Variants in KAT2B observed in about 807,000 individuals in gnomAD.
The protein encoded by KAT2B is histone acetyltransferase KAT2B.
KAT2B carries 36 observed loss-of-function variants against 105.9 expected under a neutral mutation model. The ratio of observed to expected loss-of-function variants is 0.34; its 90% CI spans 0.26 to 0.45. KAT2B has a LOEUF of 0.45. Among genes scored for constraint, KAT2B ranks in the 20% least tolerant of loss-of-function variants. The pLI, the probability that KAT2B is intolerant of heterozygous loss-of-function variation, is 1.00. For missense variants in KAT2B, 820 were observed against 1,021.6 expected (o/e 0.80, Z 2.69); for synonymous variants, 397 against 377.9 (o/e 1.05, Z -0.59).
At chr3:20,109,746 T>G in intron 5 of KAT2B, among the ~76,000 whole-genome samples, 1 of 152,172 alleles carries the variant, frequency 6.6e-6, no homozygotes, top group East Asian at 1.9e-4. Flanking sequence ...CTTTATAATT[T>G]TTTTCTGCTA....
rs1258390539 is a variant in KAT2B, at chr3:20,152,616, A to G, written c.*91A>G. On this transcript the variant is annotated 3_prime_UTR_variant, in exon 18 of 18. Coordinates refer to ENST00000263754, the MANE Select transcript of KAT2B (RefSeq NM_003884.5). ...TTTTACAAAGAATTGGACATGATGT[A>G]TTGAAGAGACTTGTAAATGTAATAA... The G allele has an allele frequency of 9.2e-6, 9 of 982,522 alleles. No homozygotes were observed. The highest frequency in any genetic ancestry group is 6.5e-5 in the African/African-American group (4 of 61,146). 60.9% of individuals were successfully genotyped at this position (982,522 alleles called of 1,614,324 possible).
At chr3:20,115,022 C>T (rs1699181546) in intron 7 of KAT2B, 34 bp downstream of exon 7, 2 of 1,326,706 alleles carry the variant, frequency 1.5e-6, no homozygotes, top group East Asian at 2.3e-5. Context: ...AGAGAACAAC[C>T]AGGGAGGCCA....
intron 3 of KAT2B, among the ~76,000 whole-genome samples, chr3:20,098,256 T>G (rs1487089239): frequency 6.6e-6 from 1 of 151,628 alleles, no homozygotes; most frequent in Non-Finnish European, 1.5e-5. Context: ...AAAGTCAGTC[T>G]TAGATGTTGA....
chr3:20,115,183 C>A (rs1213551658), intron 7 of KAT2B, among the ~76,000 whole-genome samples, 195 bp downstream of exon 7: 1 of 152,194 alleles, frequency 6.6e-6, no homozygotes, highest in Non-Finnish European at 1.5e-5. Context: ...CTCAGTCTGA[C>A]CTCTTAATCT....
chr3:20,120,434 G>A (rs1699288022), intron 8 of KAT2B, among the ~76,000 whole-genome samples: 1 of 151,892 alleles, frequency 6.6e-6, no homozygotes, highest in Non-Finnish European at 1.5e-5. Context: ...TGCCATATTG[G>A]TCAGGCTGGT....
chr3:20,120,241 T>C (rs1699283763), intron 8 of KAT2B, among the ~76,000 whole-genome samples: 1 of 152,054 alleles, frequency 6.6e-6, no homozygotes, highest in Non-Finnish European at 1.5e-5. Flanking sequence ...CTTTTCTTTT[T>C]ATTTGAGACA....
intron 3 of KAT2B, among the ~76,000 whole-genome samples, chr3:20,098,335 G>GAGTCT (rs1310749777): frequency 2.0e-5 from 3 of 152,060 alleles, no homozygotes; most frequent in Non-Finnish European, 2.9e-5. Flanking sequence ...TGTGGCGCTG[G>GAGTCT]AGTCTAACTA....
chr3:20,083,988 G>A (rs1698567885), intron 2 of KAT2B, among the ~76,000 whole-genome samples: 1 of 152,160 alleles, frequency 6.6e-6, no homozygotes. Flanking sequence ...AGCTGGTGAT[G>A]TGTATTTGTT....
intron 11 of KAT2B, among the ~76,000 whole-genome samples, chr3:20,131,267 G>A (rs904482648): frequency 4.6e-5 from 7 of 151,698 alleles, no homozygotes; most frequent in Non-Finnish European, 8.8e-5. Context: ...CGCCTGCTTC[G>A]GCCTCCCAAA....
chr3:20,129,794 G>C (rs1211300421), intron 11 of KAT2B, among the ~76,000 whole-genome samples: 1 of 152,128 alleles, frequency 6.6e-6, no homozygotes, highest in Non-Finnish European at 1.5e-5. Flanking sequence ...GTATTGGACA[G>C]TGCTGGTCTA....
At chr3:20,064,251 A>G (rs987946287) in intron 1 of KAT2B, among the ~76,000 whole-genome samples, 2 of 152,200 alleles carry the variant, frequency 1.3e-5, no homozygotes, top group Admixed American at 1.3e-4. Flanking sequence ...TGATGGGGGC[A>G]TAGTGTGGTG....
At position 20,154,070 on chromosome 3, in the gene KAT2B, G is replaced by C. The variant is rs767218896; in HGVS notation, c.*1545G>C. 6.6e-6 allele frequency: 1 copy of C among 152,548 alleles called. No homozygotes were observed. The highest frequency in any genetic ancestry group is 1.9e-4 in the East Asian group (1 of 5,196). 9.4% of individuals were successfully genotyped at this position (152,548 alleles called of 1,614,324 possible). On this transcript the variant is annotated 3_prime_UTR_variant, in exon 18 of 18. Coordinates refer to ENST00000263754, the MANE Select transcript of KAT2B (RefSeq NM_003884.5). ...TAATGAAGAATCATGATACAGTTTG[G>C]ATTAAGTATCTTGGACTGGTTTTAA...
rs1697846364 is a variant in KAT2B, at chr3:20,048,037, C to T, written c.303+7257C>T. On this transcript the variant is annotated intron_variant, in intron 1 of 17. Coordinates refer to ENST00000263754, the MANE Select transcript of KAT2B (RefSeq NM_003884.5). ...TAGGCAATATTGTCACAGCAAAGTA[C>T]AAAGCATGGAGGGAGGTGGATAAGA... Among the ~76,000 whole-genome samples the T allele has an allele frequency of 2.6e-5, 4 of 152,158 alleles. No homozygotes were observed. The South Asian group carries it at 8.3e-4, about 32-fold the overall frequency.
intron 4 of KAT2B, 161 bp from the exon 5 acceptor site, chr3:20,101,126 C>T (rs1698902235): frequency 3.3e-6 from 2 of 602,544 alleles, no homozygotes; most frequent in Non-Finnish European, 5.8e-6. Context: ...AAGATTCCCT[C>T]TGGGGATTGC....
At chr3:20,054,652 C>T (rs1221859124) in intron 1 of KAT2B, among the ~76,000 whole-genome samples, 1 of 152,146 alleles carries the variant, frequency 6.6e-6, no homozygotes. Context: ...CAGGAGGTTC[C>T]AGAAGTACAA....
intron 5 of KAT2B, among the ~76,000 whole-genome samples, chr3:20,108,368 C>G (rs950791366): frequency 6.6e-6 from 1 of 152,138 alleles, no homozygotes; most frequent in Non-Finnish European, 1.5e-5. Flanking sequence ...AGAATCATCC[C>G]CATCATCAGT....
At chr3:20,052,547 G>A (rs1303120312) in intron 1 of KAT2B, among the ~76,000 whole-genome samples, 3 of 151,826 alleles carry the variant, frequency 2.0e-5, no homozygotes, top group Admixed American at 2.0e-4. Context: ...AAAGGAAACT[G>A]TATTGTAAAG....
chr3:20,048,114 G>A (rs1559509477), intron 1 of KAT2B, among the ~76,000 whole-genome samples: 1 of 152,168 alleles, frequency 6.6e-6, no homozygotes, highest in South Asian at 2.1e-4. Flanking sequence ...GCATACAATT[G>A]TATCCTGTGG....
chr3:20,122,760 G>T lies in KAT2B; in HGVS notation c.1369G>T (p.Val457Phe), dbSNP rs553434368. ...GDIPMELINEVMSTITDPAAM... is the reference protein window; with the variant it reads ...GDIPMELINEFMSTITDPAAM... ...TATTCCGATGGAATTAATCAACGAGGTTATGTCTACCATCACGGACCCTGC... is the reference window on the plus strand; with the variant it reads ...TATTCCGATGGAATTAATCAACGAGTTTATGTCTACCATCACGGACCCTGC... Residue 457 changes from valine (V) to phenylalanine (F), a missense_variant, in exon 9 of 18, where the codon GTT (valine) becomes TTT (phenylalanine). Physicochemically the swap from Val to Phe is conservative, Grantham distance 50 (BLOSUM62 -1). Transcript: ENST00000263754. The T allele has an allele frequency of 1.5e-4, 237 of 1,614,082 alleles. 1 individual carries two copies. The East Asian group carries it at 4.9e-3, about 33-fold the overall frequency.
Sources: gnomAD v4.1 joint callset for allele counts (sites outside exome capture counted in the v4.1 genomes callset) on GRCh38, gnomAD v4.1.1 for gene constraint, MANE v1.5 for transcripts, NCBI Gene and HGNC (gene_info 2026-07-23, HGNC 2026-07-21) for gene names.